XIRP2: variants seen among roughly 807,000 people sequenced by gnomAD.
The protein encoded by XIRP2 is xin actin-binding repeat-containing protein 2.
A neutral mutation model predicts 277.0 loss-of-function variants in XIRP2; 236 were observed. The ratio of observed to expected loss-of-function variants is 0.85; its 90% CI spans 0.77 to 0.95. The LOEUF (loss-of-function observed/expected upper bound fraction) is 0.95, where lower values mean the gene tolerates loss of function less well. Ranked by LOEUF, XIRP2 falls within the 40% of genes least tolerant of loss-of-function variation. The pLI is 0.00. For missense variants in XIRP2, 4,640 were observed against 4,157.5 expected (o/e 1.12, Z -3.19); for synonymous variants, 1,490 against 1,416.5 (o/e 1.05, Z -1.17).
rs528439306 is a variant in XIRP2 at position 166,981,356 on chromosome 2, C to G, written c.408+77466C>G. Among the ~76,000 whole-genome samples, 3 of 152,046 alleles carry G rather than the reference C, an allele frequency of 2.0e-5. No homozygotes were observed. In the South Asian group the frequency reaches 6.2e-4, roughly 32 times the overall value. On this transcript the variant is annotated intron_variant, in intron 2 of 10. Transcript: ENST00000409195. ...CATCATTTCAATCTACCTGTCTTCA[C>G]ATGGTGTATTTCCTCTGAGTGCCTG... is the stretch of plus-strand genomic sequence containing the variant.
At chr2:167,170,739 A>G (rs899528461) in intron 3 of XIRP2, among the ~76,000 whole-genome samples, 10 of 152,066 alleles carry the variant, frequency 6.6e-5, no homozygotes, top group African/African-American at 2.4e-4. Context: ...TTATTAATTA[A>G]TAAAGCAACT....
intron 2 of XIRP2, among the ~76,000 whole-genome samples, chr2:166,934,652 T>A (rs1232542311): frequency 2.0e-5 from 3 of 152,140 alleles, no homozygotes; most frequent in African/African-American, 7.2e-5. Flanking sequence ...TAAACATTAA[T>A]TTAGTCCTCT....
chr2:167,226,141 G>A (rs750850463), intron 5 of XIRP2, among the ~76,000 whole-genome samples: 25 of 152,282 alleles, frequency 1.6e-4, no homozygotes, highest in Admixed American at 4.6e-4. Flanking sequence ...AATTCTGCAA[G>A]AAGTGGAAAT....
At chr2:167,164,440 C>T (rs192853261) in intron 3 of XIRP2, among the ~76,000 whole-genome samples, 87 of 116,314 alleles carry the variant, frequency 7.5e-4, no homozygotes, top group African/African-American at 2.9e-3. Context: ...AGCGAGACTC[C>T]GTCTCAAAAA....
chr2:167,174,251 G>T (rs1190237197), intron 3 of XIRP2, among the ~76,000 whole-genome samples: 8 of 152,042 alleles, frequency 5.3e-5, no homozygotes, highest in African/African-American at 1.9e-4. Flanking sequence ...TCCTGGGCTT[G>T]TTTTGGTTGG....
Position 167,082,848 on chromosome 2 carries a change from T to C in XIRP2, c.409-53061T>C, listed in dbSNP as rs962648370. On this transcript the variant is annotated intron_variant, in intron 2 of 10. Transcript: ENST00000409195. The stretch of plus-strand genomic sequence containing the variant: ...ATTGTAGATTCTGGATATTAGCCCT[T>C]TGTCAGATGAGTAGGTTGTGAACAT... Among the ~76,000 whole-genome samples, 6 of 152,176 alleles carry C rather than the reference T, an allele frequency of 3.9e-5. 1 individual carries two copies. Among genetic ancestry groups the C allele is most frequent in the Admixed American group, 3.9e-4 (6 of 15,282 alleles).
At chr2:166,919,854 C>T (rs1395039605) in intron 2 of XIRP2, among the ~76,000 whole-genome samples, 1 of 152,110 alleles carries the variant, frequency 6.6e-6, no homozygotes, top group African/African-American at 2.4e-5. Context: ...ATACCTACTG[C>T]ACATATATCA....
At chr2:166,916,690 G>T (rs1684892723) in intron 2 of XIRP2, among the ~76,000 whole-genome samples, 1 of 152,070 alleles carries the variant, frequency 6.6e-6, no homozygotes, top group African/African-American at 2.4e-5. Context: ...TGATAAAAGT[G>T]ATCATTTTTG....
In XIRP2 at chr2:167,102,471, C is replaced by T. The variant is rs560512417; in HGVS notation, c.409-33438C>T. On this transcript the variant is annotated intron_variant, in intron 2 of 10. Transcript: ENST00000409195. Reference sequence around the variant, plus strand: ...TTGACATACAAGTAAACCTTATAGACGGGCAATTAGTTTCAAGACAAAGAA... The same window carrying T: ...TTGACATACAAGTAAACCTTATAGATGGGCAATTAGTTTCAAGACAAAGAA... Among the ~76,000 whole-genome samples the T allele has an allele frequency of 3.4e-3, 516 of 152,148 alleles. 4 individuals carry two copies. The highest frequency in any genetic ancestry group is 0.017 in the Middle Eastern group (5 of 294).
chr2:167,244,735 A>G lies in XIRP2; in HGVS notation c.3343A>G (p.Ser1115Gly). 6.2e-7 allele frequency: 1 copy of G among 1,613,118 alleles called. No homozygotes were observed. The highest frequency in any genetic ancestry group is 8.5e-7 in the Non-Finnish European group (1 of 1,179,646). Residue 1115 changes from serine to glycine, a missense_variant, in exon 9 of 11, where the codon AGC (serine) becomes GGC (glycine). By Grantham distance (56) the Ser-to-Gly change is moderately conservative. Coordinates refer to ENST00000409195, the MANE Select transcript of XIRP2 (RefSeq NM_152381.6). The stretch of plus-strand genomic sequence containing the variant: ...TTATGAAAAAGTTTCGTTAATGACC[A>G]GCAGTGAAGAAATTCATAAGGGAGA... ...SLYEKVSLMT[S>G]SEEIHKGDVK...
At chr2:167,108,062 T>C (rs1390991168) in intron 2 of XIRP2, among the ~76,000 whole-genome samples, 1 of 151,850 alleles carries the variant, frequency 6.6e-6, no homozygotes, top group Non-Finnish European at 1.5e-5. Flanking sequence ...CTATTTCATA[T>C]TGAATACATT....
At chr2:167,257,220 T>C (rs1407846862) in intron 10 of XIRP2, among the ~76,000 whole-genome samples, 3 of 151,936 alleles carry the variant, frequency 2.0e-5, no homozygotes, top group Non-Finnish European at 4.4e-5. Context: ...GGTTTCTCCT[T>C]AGTTCTTTGT....
At chr2:167,155,595 C>T (rs932499242) in intron 3 of XIRP2, among the ~76,000 whole-genome samples, 4 of 152,058 alleles carry the variant, frequency 2.6e-5, no homozygotes, top group African/African-American at 2.4e-5. Context: ...TGGGACGTAT[C>T]TCAAAATAAT....
At chr2:166,936,885 T>C (rs1685534269) in intron 2 of XIRP2, among the ~76,000 whole-genome samples, 1 of 152,230 alleles carries the variant, frequency 6.6e-6, no homozygotes, top group East Asian at 1.9e-4. Context: ...AGGATTGTCT[T>C]GGCAATGTGG....
At chr2:167,195,915 G>A (rs1693490711) in intron 3 of XIRP2, among the ~76,000 whole-genome samples, 2 of 152,104 alleles carry the variant, frequency 1.3e-5, no homozygotes, top group Non-Finnish European at 2.9e-5. Context: ...ACTCAGCCTG[G>A]GCCCTGCAGA....
intron 2 of XIRP2, among the ~76,000 whole-genome samples, chr2:167,116,955 A>G (rs562139184): frequency 9.0e-4 from 137 of 152,304 alleles, no homozygotes; most frequent in Non-Finnish European, 1.5e-3. Flanking sequence ...TGCTTATGAG[A>G]AATATGGTTT....
intron 2 of XIRP2, among the ~76,000 whole-genome samples, chr2:166,939,232 G>A (rs1202161740): frequency 6.6e-6 from 1 of 152,142 alleles, no homozygotes; most frequent in African/African-American, 2.4e-5. Flanking sequence ...GCTGGTACTG[G>A]TTGTTCCTTT....
At chr2:167,083,785 G>A (rs1181094379) in intron 2 of XIRP2, among the ~76,000 whole-genome samples, 2 of 152,156 alleles carry the variant, frequency 1.3e-5, no homozygotes, top group African/African-American at 2.4e-5. Context: ...TTTGTGCATT[G>A]ATTTTGTATC....
intron 3 of XIRP2, among the ~76,000 whole-genome samples, chr2:167,201,156 AAGAG>A (rs752394823): frequency 5.6e-5 from 8 of 142,746 alleles, no homozygotes; most frequent in East Asian, 4.2e-4. Context: ...GAGGGAGGGA[AAGAG>A]AGAGAGAGAG....
Sources: allele counts gnomAD v4.1 joint callset (sites outside exome capture counted in the v4.1 genomes callset), GRCh38; gene constraint gnomAD v4.1.1; transcripts MANE v1.5; gene names NCBI Gene and HGNC (gene_info 2026-07-23, HGNC 2026-07-21).